Variants in PSD observed in about 807,000 individuals in gnomAD.
PSD encodes PH and SEC7 domain-containing protein 1.
A neutral mutation model predicts 91.6 loss-of-function variants in PSD; 32 were observed. The ratio of observed to expected loss-of-function variants is 0.35; its 90% CI spans 0.26 to 0.47. The LOEUF is 0.47. Among genes scored for constraint, PSD ranks in the 20% least tolerant of loss-of-function variants. The pLI is 1.00. For missense variants in PSD, 1,099 were observed against 1,373.9 expected (o/e 0.80, Z 3.16); for synonymous variants, 532 against 569.3 (o/e 0.93, Z 0.93).
chr10:102,404,039 T>C lies in PSD; in HGVS notation c.2701-54A>G, dbSNP rs2061325290. On this transcript the variant is annotated intron_variant, in intron 15 of 16. Transcript: ENST00000020673. This position sits in a 1 kb window ranked among gnomAD's most constrained non-coding sequence, Gnocchi z 5.7. ...GTCACTCTGCCCTATACAGTGCCTC[T>C]GCAGATTTTTAAAAAGATACCCCTT... 1 of 1,475,924 alleles carries C rather than the reference T, an allele frequency of 6.8e-7. No individual in the cohort carries two copies. 91.4% of individuals were successfully genotyped at this position (1,475,924 alleles called of 1,614,324 possible).
Position 102,417,087 on chromosome 10 carries a change from G to C in PSD, c.-49C>G, listed in dbSNP as rs192929005. On this transcript the variant is annotated 5_prime_UTR_variant, in exon 2 of 17. Coordinates refer to ENST00000020673, the MANE Select transcript of PSD (RefSeq NM_002779.5). ...GGGGGCAGGGATGGCGAGGCCAGGC[G>C]GGGAGTAAGGGGGCTGCATGCTCTT... 2.3e-5 allele frequency: 24 copies of C among 1,034,092 alleles called. No homozygotes were observed. In the South Asian group the frequency reaches 3.1e-4, roughly 13 times the overall value. The allele number at this position is 1,034,092 out of a possible 1,614,324, so 64.1% of individuals were successfully genotyped here.
chr10:102,417,308 A>AGGGG (rs1167351951), intron 1 of PSD, among the ~76,000 whole-genome samples, 187 bp from the exon 2 acceptor site: 1 of 151,990 alleles, frequency 6.6e-6, no homozygotes, highest in Non-Finnish European at 1.5e-5. Flanking sequence ...GAAAAGACTT[A>AGGGG]TACACCCAGT....
chr10:102,409,456 A>G lies in PSD; in HGVS notation c.2091+1402T>C, dbSNP rs1445467822. 6.6e-6 allele frequency among the ~76,000 whole-genome samples: 1 copy of G among 152,080 alleles called. No homozygotes were observed. Among genetic ancestry groups the G allele is most frequent in the Non-Finnish European group, 1.5e-5 (1 of 68,002 alleles). On this transcript the variant is annotated intron_variant, in intron 10 of 16. Transcript: ENST00000020673. The surrounding 1 kb of genome is among the most constrained non-coding windows in gnomAD (Gnocchi z 5.7). ...CTCCAGGGAGGCTGAGAGCACCGCT[A>G]GGCCTGGGGCTGTGACGCTGGGCGG... is the stretch of plus-strand genomic sequence containing the variant.
In PSD at chr10:102,414,899, A is replaced by C. The variant is rs200981162; in HGVS notation, c.1088T>G (p.Val363Gly). ...DDDEAGGEED[V>G]DDEVFEASEG... ...AGAGGCCTCAAACACCTCGTCGTCC[A>C]CATCTTCTTCCCCACCTGCCTCATC... The change falls in exon 4 of 17, where the codon GTG becomes GGG. Residue 363 changes from valine (V) to glycine (G), a missense_variant. Val to Gly is a moderately radical substitution (Grantham distance 109). Around this residue, in one of 3 missense-constraint regions of PSD, gnomAD observed 631 missense variants for 728.8 expected, o/e 0.87. Transcript: ENST00000020673. The surrounding 1 kb of genome is among the most constrained non-coding windows in gnomAD (Gnocchi z 5.6). 6.6e-7 allele frequency: 1 copy of C among 1,506,284 alleles called. No individual in the cohort carries two copies. Among genetic ancestry groups the C allele is most frequent in the East Asian group, 2.3e-5 (1 of 43,564 alleles). 93.3% of individuals were successfully genotyped at this position (1,506,284 alleles called of 1,614,324 possible).
intron 10 of PSD, 24 bp from the exon 11 acceptor site, chr10:102,407,290 AG>A: frequency 6.5e-7 from 1 of 1,530,606 alleles, no homozygotes. Flanking sequence ...GGAACAAATT[AG>A]GGGGTTGTGG....
chr10:102,419,746 A>C (rs1304732737), upstream of PSD: 2 of 164,582 alleles, frequency 1.2e-5, no homozygotes, highest in Admixed American at 6.5e-5. The surrounding 1 kb of genome is among the most constrained non-coding windows in gnomAD (Gnocchi z 4.8). Flanking sequence ...GCGAACAAAG[A>C]GGGGAGGGGG....
intron 1 of PSD, among the ~76,000 whole-genome samples, chr10:102,418,232 A>G (rs2061508759): frequency 6.6e-6 from 1 of 152,084 alleles, no homozygotes; most frequent in Non-Finnish European, 1.5e-5. Context: ...CATAACAAGT[A>G]TGTGTGTAAT....
At chr10:102,412,869 A>T (rs916277234) in intron 5 of PSD, among the ~76,000 whole-genome samples, 31 of 152,074 alleles carry the variant, frequency 2.0e-4, no homozygotes, top group Admixed American at 2.0e-3. Flanking sequence ...TTAGACATAG[A>T]TTATCTGTTC....
In PSD at chr10:102,404,658, G is replaced by C. The variant is rs375125392; in HGVS notation, c.2625C>G (p.Pro875=). 1.9e-6 allele frequency: 3 copies of C among 1,611,486 alleles called. No homozygotes were observed. The highest frequency in any genetic ancestry group is 2.5e-6 in the Non-Finnish European group (3 of 1,178,740). The part of the protein sequence containing the change: ...NVVAAMFSAP[P]FPAAVSSQKK... Reference sequence around the variant, plus strand: ...TTTGGGAGCTAACAGCAGCTGGGAAGGGGGGCGCAGAGAACATAGCGGCTA... The same window carrying C: ...TTTGGGAGCTAACAGCAGCTGGGAACGGGGGCGCAGAGAACATAGCGGCTA... Residue 875 remains proline, a synonymous_variant, in exon 15 of 17, where the codon CCC becomes CCG. Transcript: ENST00000020673. This position sits in a 1 kb window ranked among gnomAD's most constrained non-coding sequence, Gnocchi z 5.7.
intron 5 of PSD, 146 bp from the exon 6 acceptor site, chr10:102,412,721 G>A: frequency 4.2e-6 from 3 of 709,176 alleles, no homozygotes; most frequent in Admixed American, 5.8e-5. Context: ...CAGGGAAGGA[G>A]ATTAGATTCT....
At chr10:102,415,591 C>A (rs1438122682) in intron 3 of PSD, among the ~76,000 whole-genome samples, 1 of 152,150 alleles carries the variant, frequency 6.6e-6, no homozygotes, top group South Asian at 2.1e-4. Flanking sequence ...TCCCACCCAA[C>A]CTCCCCAGTA....
intron 8 of PSD, 42 bp downstream of exon 8, chr10:102,411,665 C>T (rs191623529): frequency 6.6e-7 from 1 of 1,515,628 alleles, no homozygotes. Flanking sequence ...CATTTTGCCA[C>T]TGTGGCCAGC....
At position 102,407,276 on chromosome 10, in the gene PSD, G is replaced by C; in HGVS notation, c.2092-10C>G. 1 of 1,570,992 alleles carries C rather than the reference G, an allele frequency of 6.4e-7. No individual in the cohort carries two copies. The highest frequency in any genetic ancestry group is 1.4e-5 in the African/African-American group (1 of 73,372). On this transcript the variant is annotated splice_polypyrimidine_tract_variant and intron_variant, in intron 10 of 16. Coordinates refer to ENST00000020673, the MANE Select transcript of PSD (RefSeq NM_002779.5). ...TGGAGCTGTACAAGGCCTGGGGGGT[G>C]GGGGGAACAAATTAGGGGGTTGTGG...
Position 102,410,277 on chromosome 10 carries a change from T to A in PSD, c.2091+581A>T, listed in dbSNP as rs2061412042. 6.6e-6 allele frequency among the ~76,000 whole-genome samples: 1 copy of A among 152,190 alleles called. No homozygotes were observed. The highest frequency in any genetic ancestry group is 2.1e-4 in the South Asian group (1 of 4,832). On this transcript the variant is annotated intron_variant, in intron 10 of 16. Coordinates refer to ENST00000020673, the MANE Select transcript of PSD (RefSeq NM_002779.5). The surrounding 1 kb of genome is among the most constrained non-coding windows in gnomAD (Gnocchi z 6.0). ...AGCCCCTACGTATCTGAGCCCTCGGTTGCGGGCCATGGAGCTGGCGCCTGG... is the reference window on the plus strand; with the variant it reads ...AGCCCCTACGTATCTGAGCCCTCGGATGCGGGCCATGGAGCTGGCGCCTGG...
chr10:102,403,842 C>T lies in PSD; in HGVS notation c.2844G>A (p.Glu948=). The T allele has an allele frequency of 1.9e-6, 3 of 1,611,470 alleles. No homozygotes were observed. In the South Asian group the frequency reaches 3.3e-5, roughly 18 times the overall value. The stretch of plus-strand genomic sequence containing the variant: ...CAGAGGGGCAGACAGGGAGGCTCAC[C>T]TCAAACTCCAGGTAGGCCTCCTTCT... ...QRQKEAYLEF[E]KSRYSTYAAL... is the part of the protein sequence containing the mutation. Residue 948 remains glutamate (E), a splice_region_variant and synonymous_variant, in exon 16 of 17, where the codon GAG becomes GAA. Transcript: ENST00000020673. This position sits in a 1 kb window ranked among gnomAD's most constrained non-coding sequence, Gnocchi z 6.7.
At chr10:102,417,761 T>C (rs1310751885) in intron 1 of PSD, among the ~76,000 whole-genome samples, 1 of 139,948 alleles carries the variant, frequency 7.1e-6, no homozygotes, top group Non-Finnish European at 1.5e-5. Context: ...CAGGCTGGAG[T>C]GGAATGGCGC....
At position 102,409,022 on chromosome 10, in the gene PSD, T is replaced by C. The variant is rs1029823926; in HGVS notation, c.2092-1756A>G. 4.1e-6 allele frequency: 4 copies of C among 986,694 alleles called. No individual in the cohort carries two copies. The highest frequency in any genetic ancestry group is 1.2e-6 in the Non-Finnish European group (1 of 830,080). 61.1% of individuals were successfully genotyped at this position (986,694 alleles called of 1,614,324 possible). On this transcript the variant is annotated intron_variant, in intron 10 of 16. Coordinates refer to ENST00000020673, the MANE Select transcript of PSD (RefSeq NM_002779.5). The surrounding 1 kb of genome is among the most constrained non-coding windows in gnomAD (Gnocchi z 5.7). ...CTCCGCGCCGCGGTGGGTGCGCCCG[T>C]AGCGCACGGAGCACAGCGAGCGCGA...
At chr10:102,411,910 T>G (rs1333479675) in intron 7 of PSD, 91 bp from the exon 8 acceptor site, 3 of 1,022,326 alleles carry the variant, frequency 2.9e-6, no homozygotes, top group Non-Finnish European at 4.5e-6. Flanking sequence ...GTACAGCAGC[T>G]GGGGTGGGAA....
In PSD at chr10:102,402,850, A is replaced by C. The variant is rs1333005195; in HGVS notation, c.*350T>G. The C allele has an allele frequency of 1.5e-5, 4 of 261,534 alleles. No individual in the cohort carries two copies. The highest frequency in any genetic ancestry group is 5.3e-5 in the Admixed American group (1 of 18,822). The allele number at this position is 261,534 out of a possible 1,614,324, so 16.2% of individuals were successfully genotyped here. A position where few individuals can be genotyped will look rare whatever the true frequency, so the allele number is the denominator to read the frequency against. ...AAGCCAGGCCCCAGGACAGAGGGGG[A>C]CTGATGGTGTCAGGGTGGGGGTGGT... On this transcript the variant is annotated 3_prime_UTR_variant, in exon 17 of 17. Coordinates refer to ENST00000020673, the MANE Select transcript of PSD (RefSeq NM_002779.5).
Sources: allele counts gnomAD v4.1 joint callset (sites outside exome capture counted in the v4.1 genomes callset), GRCh38; gene constraint gnomAD v4.1.1; regional missense constraint gnomAD v4.1.1; non-coding constraint Gnocchi (gnomAD v3.1); transcripts MANE v1.5; gene names NCBI Gene and HGNC (gene_info 2026-07-23, HGNC 2026-07-21).